Variants in SYN2 observed in about 807,000 individuals in gnomAD.
The protein encoded by SYN2 is synapsin-2.
Under a neutral mutation model 50.9 loss-of-function variants are expected in SYN2, and 19 were observed. The observed-to-expected ratio is 0.37, with a 90% CI of 0.26 to 0.55. SYN2 has a LOEUF of 0.55. SYN2 is among the 20% of genes least tolerant of loss of function. SYN2 has a pLI of 0.81. For synonymous variants in SYN2, 255 were observed against 224.9 expected, an observed-to-expected ratio of 1.13 and a Z score of -1.20; for missense variants, 587 against 576.4, an observed-to-expected ratio of 1.02 and a Z score of -0.19.
At chr3:12,008,073 T>G (rs1222470425) in intron 1 of SYN2, among the ~76,000 whole-genome samples, 1 of 152,250 alleles carries the variant, frequency 6.6e-6, no homozygotes, top group Non-Finnish European at 1.5e-5. Context: ...GCAATTAAGA[T>G]TGCACTTTAA....
At chr3:12,154,510 GC>G in intron 5 of SYN2, 1 of 1,588,550 alleles carries the variant, frequency 6.3e-7, no homozygotes. Context: ...AGCCCCAGGG[GC>G]CCAGGTCCTT....
At chr3:12,100,460 C>T (rs779279541) in intron 1 of SYN2, among the ~76,000 whole-genome samples, 1 of 152,070 alleles carries the variant, frequency 6.6e-6, no homozygotes, top group Admixed American at 6.5e-5. Context: ...AACCCTATCT[C>T]ATACTATATA....
intron 1 of SYN2, among the ~76,000 whole-genome samples, chr3:12,088,625 T>C (rs952542309): frequency 1.1e-4 from 16 of 151,846 alleles, no homozygotes; most frequent in Admixed American, 6.6e-5. Flanking sequence ...AACCAAGATA[T>C]GGAAACAATC....
At chr3:12,165,504 G>A (rs1183773332) in intron 7 of SYN2, 1 of 152,178 alleles carries the variant, frequency 6.6e-6, no homozygotes, top group Non-Finnish European at 1.5e-5. Context: ...ATGCATCAGG[G>A]CAGTAGGAAT....
intron 1 of SYN2, among the ~76,000 whole-genome samples, chr3:12,052,122 T>A (rs1694877103): frequency 6.6e-6 from 1 of 152,244 alleles, no homozygotes; most frequent in Non-Finnish European, 1.5e-5. Context: ...TTTTAGTATT[T>A]ATATTCAGGA....
chr3:12,035,932 T>C (rs1387259089), intron 1 of SYN2, among the ~76,000 whole-genome samples: 2 of 152,206 alleles, frequency 1.3e-5, no homozygotes, highest in Non-Finnish European at 2.9e-5. Flanking sequence ...AGGACATATG[T>C]TAAGATATTA....
chr3:12,116,001 TCAAGA>T (rs1696426581), intron 1 of SYN2, among the ~76,000 whole-genome samples: 1 of 152,152 alleles, frequency 6.6e-6, no homozygotes, highest in African/African-American at 2.4e-5. Flanking sequence ...CGTTTCTCAG[TCAAGA>T]CTGTCAGAGC....
chr3:12,103,723 C>G (rs1696122360), intron 1 of SYN2, among the ~76,000 whole-genome samples: 1 of 152,014 alleles, frequency 6.6e-6, no homozygotes, highest in Admixed American at 6.6e-5. Context: ...AAGAATAACC[C>G]CTGAAAGAAA....
In SYN2 at chr3:12,004,808, T is replaced by A; in HGVS notation, c.257T>A (p.Leu86Gln). ...GTGGGCAGCAGCTTCTTCAGCTCGC[T>A]GTCCCAAGCCGTGAAGCAGACGGCC... Reference protein sequence around the residue: ...PSVGSSFFSSLSQAVKQTAAS... With the variant: ...PSVGSSFFSSQSQAVKQTAAS... The change falls in exon 1 of 13, where the codon CTG (leucine) becomes CAG (glutamine). Residue 86 changes from leucine (L) to glutamine (Q), a missense_variant. Physicochemically the swap from Leu to Gln is moderately radical, Grantham distance 113. Coordinates refer to ENST00000621198, the MANE Select transcript of SYN2 (RefSeq NM_133625.6). 2.4e-6 allele frequency: 1 copy of A among 423,322 alleles called. No individual in the cohort carries two copies. Among genetic ancestry groups the A allele is most frequent in the Non-Finnish European group, 4.1e-6 (1 of 241,508 alleles). The allele number at this position is 423,322 out of a possible 1,614,324, so 26.2% of individuals were successfully genotyped here. A position where few individuals can be genotyped will look rare whatever the true frequency, so the allele number is the denominator to read the frequency against.
At chr3:12,160,042 CAA>C (rs3079818) in intron 5 of SYN2, among the ~76,000 whole-genome samples, 53 of 67,612 alleles carry the variant, frequency 7.8e-4, no homozygotes, top group South Asian at 1.4e-3. Flanking sequence ...GACTCCGTCT[CAA>C]AAAAAAAAAA....
intron 1 of SYN2, among the ~76,000 whole-genome samples, chr3:12,085,286 A>G (rs997107237): frequency 1.3e-5 from 2 of 152,114 alleles, no homozygotes; most frequent in Non-Finnish European, 2.9e-5. Context: ...AAAGAAGGTC[A>G]TTATGTAAAG....
At chr3:12,064,639 T>C (rs1007403010) in intron 1 of SYN2, among the ~76,000 whole-genome samples, 1 of 152,104 alleles carries the variant, frequency 6.6e-6, no homozygotes, top group Non-Finnish European at 1.5e-5. Flanking sequence ...CTCAACCTCA[T>C]TAGTTCTAAC....
At chr3:12,062,053 A>G (rs1276203459) in intron 1 of SYN2, among the ~76,000 whole-genome samples, 1 of 152,046 alleles carries the variant, frequency 6.6e-6, no homozygotes, top group Non-Finnish European at 1.5e-5. Context: ...CTAGAAACCC[A>G]GAATAGCCGA....
chr3:12,184,136 A>G (rs1698287811), intron 11 of SYN2: 2 of 985,828 alleles, frequency 2.0e-6, no homozygotes, highest in Non-Finnish European at 2.4e-6. Flanking sequence ...ACAAAGAACA[A>G]GCTATTTCCA....
At chr3:12,070,847 C>T (rs1453031962) in intron 1 of SYN2, 3 of 584,938 alleles carry the variant, frequency 5.1e-6, no homozygotes, top group African/African-American at 1.9e-5. Context: ...AACACCATGG[C>T]TGAGTGGGAG....
chr3:12,074,095 G>A (rs1324837088), intron 1 of SYN2, among the ~76,000 whole-genome samples: 2 of 151,880 alleles, frequency 1.3e-5, no homozygotes, highest in Non-Finnish European at 2.9e-5. Flanking sequence ...TATATAATAG[G>A]CCTCTTTATT....
intron 1 of SYN2, among the ~76,000 whole-genome samples, chr3:12,038,859 T>C (rs1413512270): frequency 6.6e-6 from 1 of 152,174 alleles, no homozygotes; most frequent in Non-Finnish European, 1.5e-5. Flanking sequence ...CATCTGCAAA[T>C]AAAAATTTTA....
chr3:12,022,515 C>G (rs1227712903), intron 1 of SYN2, among the ~76,000 whole-genome samples: 1 of 152,078 alleles, frequency 6.6e-6, no homozygotes, highest in Non-Finnish European at 1.5e-5. Context: ...TCAAGTGATT[C>G]TCCTGCCTTA....
chr3:12,184,098 T>G, intron 11 of SYN2: 1 of 985,966 alleles, frequency 1.0e-6, no homozygotes, highest in African/African-American at 1.7e-5. Flanking sequence ...CCTGTAGAGC[T>G]CTTGTGTTTT....
Sources: allele counts gnomAD v4.1 joint callset (sites outside exome capture counted in the v4.1 genomes callset), GRCh38; gene constraint gnomAD v4.1.1; transcripts MANE v1.5; gene names NCBI Gene and HGNC (gene_info 2026-07-23, HGNC 2026-07-21).